B3GALT1: variants seen among roughly 807,000 people sequenced by gnomAD.
B3GALT1 encodes beta-1,3-galactosyltransferase 1, also known as UDP-Gal:betaGlcNAc beta 1,3-galactosyltransferase, polypeptide 1.
In B3GALT1, 10 loss-of-function variants were observed where a neutral mutation model predicts 23.2. The observed-to-expected ratio is 0.43, with a 90% CI of 0.27 to 0.73. The LOEUF (loss-of-function observed/expected upper bound fraction) is 0.73, where lower values mean the gene tolerates loss of function less well. Among genes scored for constraint, B3GALT1 ranks in the 30% least tolerant of loss-of-function variants. The pLI is 0.21. For missense variants in B3GALT1, 299 were observed against 405.4 expected (o/e 0.74, Z 2.25); for synonymous variants, 156 against 141.5 (o/e 1.10, Z -0.73).
intron 1 of B3GALT1, among the ~76,000 whole-genome samples, chr2:167,456,053 C>A (rs187210795): frequency 6.6e-6 from 1 of 152,162 alleles, no homozygotes; most frequent in Admixed American, 6.5e-5. Flanking sequence ...TTCTGCATTG[C>A]TGTAGGGAAT....
chr2:167,419,132 T>TTAGGAAAATGTATTTAAATGA (rs1274490743), intron 1 of B3GALT1, among the ~76,000 whole-genome samples: 2 of 152,168 alleles, frequency 1.3e-5, no homozygotes, highest in Non-Finnish European at 2.9e-5. Flanking sequence ...TGACCATAGC[T>TTAGGAAAATGTATTTAAATGA]TAGGAAAATG....
At chr2:167,447,352 A>G (rs998602561) in intron 1 of B3GALT1, among the ~76,000 whole-genome samples, 1 of 152,158 alleles carries the variant, frequency 6.6e-6, no homozygotes, top group Non-Finnish European at 1.5e-5. Context: ...TCAGATCTCA[A>G]ACTCCGTGCT....
At chr2:167,703,255 A>G (rs1574221896) in intron 3 of B3GALT1, among the ~76,000 whole-genome samples, 1 of 152,192 alleles carries the variant, frequency 6.6e-6, no homozygotes. Flanking sequence ...GTTGTCATAC[A>G]TGAACAGCCA....
chr2:167,608,459 C>T (rs1205873327), intron 2 of B3GALT1, among the ~76,000 whole-genome samples: 2 of 152,050 alleles, frequency 1.3e-5, no homozygotes, highest in Non-Finnish European at 2.9e-5. Flanking sequence ...AGGTTTAATT[C>T]TTAATCTTTT....
chr2:167,714,763 T>C, intron 3 of B3GALT1: 1 of 1,613,882 alleles, frequency 6.2e-7, no homozygotes, highest in East Asian at 2.2e-5. Context: ...GATCTTTGGC[T>C]AGCTTTCTAT....
Position 167,363,205 on chromosome 2 carries a change from G to A in B3GALT1, c.-511+69871G>A, listed in dbSNP as rs995608520. On this transcript the variant is annotated intron_variant, in intron 1 of 4. Coordinates refer to ENST00000392690, the MANE Select transcript of B3GALT1 (RefSeq NM_020981.4). The stretch of plus-strand genomic sequence containing the variant: ...GTATGCCAACTTTAACTGTGCCACC[G>A]CACCCAGGAGCATTCAAAAAGACTT... Among the ~76,000 whole-genome samples the A allele has an allele frequency of 2.6e-5, 4 of 151,508 alleles. No homozygotes were observed. In the Middle Eastern group the frequency reaches 0.01, roughly 387 times the overall value.
chr2:167,561,795 G>C (rs1164313645), intron 2 of B3GALT1, among the ~76,000 whole-genome samples: 9 of 152,204 alleles, frequency 5.9e-5, no homozygotes. Flanking sequence ...AACAGGATCT[G>C]AAATTGTGGC....
intron 3 of B3GALT1, among the ~76,000 whole-genome samples, chr2:167,722,249 G>A (rs1360252010): frequency 1.3e-5 from 2 of 152,176 alleles, no homozygotes; most frequent in Non-Finnish European, 2.9e-5. Flanking sequence ...TCTCTGCACA[G>A]ATACTCCGAA....
intron 3 of B3GALT1, among the ~76,000 whole-genome samples, chr2:167,686,372 A>G (rs1686616003): frequency 6.6e-6 from 1 of 152,176 alleles, no homozygotes; most frequent in Admixed American, 6.5e-5. Flanking sequence ...GGAGAATGAA[A>G]CATAATCTTA....
chr2:167,305,349 T>A (rs1696534077), intron 1 of B3GALT1, among the ~76,000 whole-genome samples: 1 of 152,162 alleles, frequency 6.6e-6, no homozygotes, highest in Non-Finnish European at 1.5e-5. Flanking sequence ...TCATATTACC[T>A]TTGTTGAAAG....
At chr2:167,716,242 G>A (rs1159677672) in intron 3 of B3GALT1, among the ~76,000 whole-genome samples, 1 of 152,106 alleles carries the variant, frequency 6.6e-6, no homozygotes, top group Non-Finnish European at 1.5e-5. Flanking sequence ...AGGCCTCACA[G>A]GCCCGTGCTG....
chr2:167,316,493 A>T (rs16853396), intron 1 of B3GALT1, among the ~76,000 whole-genome samples: 9,093 of 152,132 alleles, frequency 0.06, 364 homozygotes, highest in East Asian at 0.1. Flanking sequence ...TAACCCACTC[A>T]GCATCAGCCA....
chr2:167,363,823 A>G (rs965604145), intron 1 of B3GALT1, among the ~76,000 whole-genome samples: 4 of 152,138 alleles, frequency 2.6e-5, no homozygotes, highest in African/African-American at 9.7e-5. Context: ...CAGTTTTGCA[A>G]TGAGAGAATA....
In B3GALT1 at chr2:167,803,119, CA is replaced by C. The variant is rs879766054; in HGVS notation, c.-351-15552del. On this transcript the variant is annotated intron_variant, in intron 3 of 4. Coordinates refer to ENST00000392690, the MANE Select transcript of B3GALT1 (RefSeq NM_020981.4). ...ACACACACACACACACACACACACA[CA>C]CCCCTTGGTTGGGCTGGGGAATGGT... Among the ~76,000 whole-genome samples, 334 of 149,238 alleles carry C rather than the reference CA, an allele frequency of 2.2e-3. 1 individual carries two copies. Among genetic ancestry groups the C allele is most frequent in the African/African-American group, 7.4e-3 (303 of 40,726 alleles).
chr2:167,532,818 C>T (rs1683351326), intron 2 of B3GALT1, among the ~76,000 whole-genome samples: 1 of 145,482 alleles, frequency 6.9e-6, no homozygotes, highest in Admixed American at 6.8e-5. Flanking sequence ...TATAGATAAT[C>T]ATGTCTGCAG....
intron 3 of B3GALT1, among the ~76,000 whole-genome samples, chr2:167,751,604 G>C (rs1047436408): frequency 6.6e-6 from 1 of 152,204 alleles, no homozygotes; most frequent in Non-Finnish European, 1.5e-5. Flanking sequence ...GTCAGTCCCA[G>C]CAGAGATATT....
intron 2 of B3GALT1, among the ~76,000 whole-genome samples, chr2:167,544,447 G>T (rs1269732094): frequency 6.6e-6 from 1 of 151,998 alleles, no homozygotes; most frequent in Middle Eastern, 3.4e-3. Context: ...GGTGTAGGCC[G>T]CCACGCGTGG....
intron 3 of B3GALT1, among the ~76,000 whole-genome samples, chr2:167,775,212 ATAAAT>A (rs1688140203): frequency 6.6e-6 from 1 of 152,240 alleles, no homozygotes; most frequent in Admixed American, 6.5e-5. Flanking sequence ...CAACATGAAA[ATAAAT>A]AAATTATGGT....
At chr2:167,417,812 G>A (rs1292979691) in intron 1 of B3GALT1, among the ~76,000 whole-genome samples, 1 of 152,154 alleles carries the variant, frequency 6.6e-6, no homozygotes, top group African/African-American at 2.4e-5. Context: ...TGAGTTCTCT[G>A]ACAAAATGAG....
Sources: gnomAD v4.1 joint callset for allele counts (sites outside exome capture counted in the v4.1 genomes callset) on GRCh38, gnomAD v4.1.1 for gene constraint, MANE v1.5 for transcripts, NCBI Gene and HGNC (gene_info 2026-07-23, HGNC 2026-07-21) for gene names.